The following AFTPH variants were observed in gnomAD, a reference collection of about 807,000 sequenced individuals.
The protein encoded by AFTPH is aftiphilin, also known as aftiphilin protein.
AFTPH carries 7 observed loss-of-function variants against 72.5 expected under a neutral mutation model. The ratio of observed to expected loss-of-function variants is 0.10; its 90% CI spans 0.05 to 0.18. AFTPH has a LOEUF of 0.18. Ranked by LOEUF, AFTPH falls within the 10% of genes least tolerant of loss-of-function variation. The pLI, the probability that AFTPH is intolerant of heterozygous loss-of-function variation, is 1.00. For missense variants in AFTPH, 979 were observed against 1,060.5 expected, an observed-to-expected ratio of 0.92 and a Z score of 1.07; for synonymous variants, 337 against 370.1, an observed-to-expected ratio of 0.91 and a Z score of 1.03.
chr2:64,587,710 A>C (rs1673595846), intron 8 of AFTPH, among the ~76,000 whole-genome samples: 1 of 152,224 alleles, frequency 6.6e-6, no homozygotes, highest in African/African-American at 2.4e-5. Context: ...TGAGTGTCTC[A>C]GGGAATTTAT....
At chr2:64,574,158 T>C (rs1397733660) in intron 6 of AFTPH, among the ~76,000 whole-genome samples, 3 of 152,242 alleles carry the variant, frequency 2.0e-5, no homozygotes, top group Admixed American at 2.0e-4. Context: ...AGATTAGTAT[T>C]TTTAAGTGAA....
chr2:64,553,568 A>C (rs1391828100), intron 2 of AFTPH, among the ~76,000 whole-genome samples, 159 bp downstream of exon 2: 3 of 152,068 alleles, frequency 2.0e-5, no homozygotes, highest in Admixed American at 6.6e-5. Context: ...TACATTTTTC[A>C]CAACCCTTTG....
chr2:64,560,490 A>C (rs977151056), intron 2 of AFTPH, among the ~76,000 whole-genome samples: 17 of 152,220 alleles, frequency 1.1e-4, no homozygotes, highest in African/African-American at 3.9e-4. Flanking sequence ...AAAAAAGCAA[A>C]TGTACCTTTG....
intron 2 of AFTPH, among the ~76,000 whole-genome samples, chr2:64,566,418 AT>A (rs556442502): frequency 2.4e-4 from 36 of 149,702 alleles, no homozygotes; most frequent in Non-Finnish European, 4.3e-4. Flanking sequence ...ATGTTATGAA[AT>A]TTTTTTTTTT....
chr2:64,569,779 T>C (rs939214392), intron 5 of AFTPH, 100 bp downstream of exon 5: 4 of 1,111,492 alleles, frequency 3.6e-6, no homozygotes, highest in African/African-American at 1.5e-5. Context: ...TAAGAGACAT[T>C]TAGTGTTGGA....
chr2:64,560,434 A>G (rs2103990959), intron 2 of AFTPH, among the ~76,000 whole-genome samples: 1 of 152,366 alleles, frequency 6.6e-6, no homozygotes, highest in South Asian at 2.1e-4. Flanking sequence ...CCTGATAGGA[A>G]AATGAATATA....
chr2:64,552,111 A>G (rs752287877), exon 2 of AFTPH: 75 of 1,613,882 alleles, frequency 4.6e-5, no homozygotes, highest in Non-Finnish European at 5.5e-5. Context: ...GAAGCCTCTT[A>G]GCACTCATAG....
intron 8 of AFTPH, among the ~76,000 whole-genome samples, chr2:64,586,112 G>A (rs1452328022): frequency 3.9e-5 from 6 of 152,132 alleles, no homozygotes; most frequent in Admixed American, 6.5e-5. Flanking sequence ...AATGTCACTC[G>A]GGCCATGTGT....
intron 6 of AFTPH, among the ~76,000 whole-genome samples, chr2:64,577,027 G>C (rs1672857427): frequency 6.6e-6 from 1 of 152,026 alleles, no homozygotes; most frequent in Admixed American, 6.6e-5. Context: ...CCAAAGTGTT[G>C]GGATTACAGG....
At chr2:64,572,866 C>T in intron 5 of AFTPH, 80 bp from the exon 6 acceptor site, 6 of 1,532,800 alleles carry the variant, frequency 3.9e-6, no homozygotes, top group Non-Finnish European at 2.6e-6. Context: ...TGTTTTTTAC[C>T]TTCTTCTTTC....
At chr2:64,544,465 A>C (rs1309908235) in intron 1 of AFTPH, among the ~76,000 whole-genome samples, 2 of 152,242 alleles carry the variant, frequency 1.3e-5, no homozygotes, top group African/African-American at 2.4e-5. Context: ...TAAAGAAATT[A>C]GATGACTATT....
At chr2:64,538,179 A>G (rs1294396495) in intron 1 of AFTPH, among the ~76,000 whole-genome samples, 1 of 152,114 alleles carries the variant, frequency 6.6e-6, no homozygotes, top group African/African-American at 2.4e-5. Context: ...ATAGGGGAAA[A>G]ATGTGTGAAA....
At chr2:64,585,498 A>G in exon 8 of AFTPH, 8 of 1,613,732 alleles carry the variant, frequency 5.0e-6, no homozygotes, top group Non-Finnish European at 6.8e-6. Flanking sequence ...TGACTGATGC[A>G]TTTGCAAGAC....
chr2:64,555,816 C>T (rs1032280305), intron 2 of AFTPH, among the ~76,000 whole-genome samples: 1 of 152,146 alleles, frequency 6.6e-6, no homozygotes, highest in Admixed American at 6.5e-5. Context: ...CTCGTTCTTA[C>T]CCTGCTGTTG....
intron 1 of AFTPH, chr2:64,525,634 AT>A (rs1427660849): frequency 6.5e-6 from 1 of 153,376 alleles, no homozygotes; most frequent in Non-Finnish European, 1.5e-5. Flanking sequence ...TTTATCTTTG[AT>A]GCTACACTTA....
At chr2:64,531,929 A>G (rs1669652138) in intron 1 of AFTPH, among the ~76,000 whole-genome samples, 2 of 152,266 alleles carry the variant, frequency 1.3e-5, no homozygotes, top group Non-Finnish European at 2.9e-5. Flanking sequence ...TAACTCTTAT[A>G]GAAAGGAATA....
intron 7 of AFTPH, among the ~76,000 whole-genome samples, chr2:64,584,589 C>T (rs1327583634): frequency 7.1e-6 from 1 of 141,740 alleles, no homozygotes; most frequent in African/African-American, 2.7e-5. Flanking sequence ...AGTCCTTAGT[C>T]ATGATTTTTT....
chr2:64,590,480 C>T lies in AFTPH; in HGVS notation c.2580-1405C>T, dbSNP rs980548610. Among the ~76,000 whole-genome samples, 141 of 152,188 alleles carry T rather than the reference C, an allele frequency of 9.3e-4. 9 individuals carry two copies. The highest frequency in any genetic ancestry group is 4.4e-5 in the Non-Finnish European group (3 of 68,030). ...GCTGAGATTGACGATTGGTGAGAAA[C>T]TGACCTTTTCCATTATACAGTTCCA... On this transcript the variant is annotated intron_variant, in intron 8 of 8. Coordinates refer to ENST00000238856, the Ensembl canonical transcript of AFTPH.
intron 2 of AFTPH, among the ~76,000 whole-genome samples, chr2:64,565,458 G>T (rs893947357): frequency 4.2e-5 from 6 of 141,870 alleles, no homozygotes; most frequent in East Asian, 2.1e-4. Context: ...CTGGGTGACA[G>T]AGCGAGACTC....
Sources: gnomAD v4.1 joint callset for allele counts (sites outside exome capture counted in the v4.1 genomes callset) on GRCh38, gnomAD v4.1.1 for gene constraint, MANE v1.5 for transcripts, NCBI Gene and HGNC (gene_info 2026-07-23, HGNC 2026-07-21) for gene names.